Variants in UNC13D observed in about 807,000 individuals in gnomAD.
The protein encoded by UNC13D is protein unc-13 homolog D.
In UNC13D, 115 loss-of-function variants were observed where a neutral mutation model predicts 151.7. The observed-to-expected ratio is 0.76, with a 90% CI of 0.65 to 0.88. UNC13D has a LOEUF of 0.88. UNC13D is among the 40% of genes least tolerant of loss of function. The pLI is 0.00. For missense variants in UNC13D, 1,369 were observed against 1,438.7 expected (o/e 0.95, Z 0.78); for synonymous variants, 588 against 612.2 (o/e 0.96, Z 0.58).
chr17:75,828,127 G>A (rs779319586), intron 31 of UNC13D, 41 bp from the exon 32 acceptor site: 14 of 1,560,906 alleles, frequency 9.0e-6, no homozygotes, highest in East Asian at 2.4e-5. Context: ...CCAGGGGAGA[G>A]GGCAGTGCCT....
rs756765895 is a variant in UNC13D, at chr17:75,835,540, C to T, written c.1728-11G>A. On this transcript the variant is annotated splice_polypyrimidine_tract_variant and intron_variant, in intron 19 of 31. Transcript: ENST00000207549. ...GCCAGGACTCCATCCCTGGGGATTG[C>T]CGGGGCTCAGCGTCGGGAAGGCTGG... is the stretch of plus-strand genomic sequence containing the variant. 3.1e-6 allele frequency: 5 copies of T among 1,600,826 alleles called. No homozygotes were observed. The highest frequency in any genetic ancestry group is 4.3e-6 in the Non-Finnish European group (5 of 1,174,036).
At chr17:75,835,952 C>T in intron 17 of UNC13D, 46 bp from the exon 18 acceptor site, 1 of 1,614,080 alleles carries the variant, frequency 6.2e-7, no homozygotes, top group Non-Finnish European at 8.5e-7. Context: ...ACACCAGGGT[C>T]CCCATGGTTC....
At chr17:75,838,866 C>T (rs1435771265) in intron 12 of UNC13D, among the ~76,000 whole-genome samples, 3 of 151,940 alleles carry the variant, frequency 2.0e-5, no homozygotes, top group African/African-American at 4.8e-5. Context: ...TTTGGGAGGC[C>T]AAGGCGGGCG....
rs563600513 is a variant in UNC13D at position 75,840,113 on chromosome 17, G to A, written c.859-3C>T. 24 of 1,612,550 alleles carry A rather than the reference G, an allele frequency of 1.5e-5. No homozygotes were observed. In the East Asian group the frequency reaches 4.7e-4, roughly 31 times the overall value. ...GAGCGGCTGGCCGAAGTGGCTCTCTGCAATGAGGCCTCTGTGAGCAGACAG... is the reference window on the plus strand; with the variant it reads ...GAGCGGCTGGCCGAAGTGGCTCTCTACAATGAGGCCTCTGTGAGCAGACAG... On this transcript the variant is annotated splice_polypyrimidine_tract_variant and splice_region_variant and intron_variant, in intron 10 of 31. Coordinates refer to ENST00000207549, the MANE Select transcript of UNC13D (RefSeq NM_199242.3). This position sits in a 1 kb window ranked among gnomAD's most constrained non-coding sequence, Gnocchi z 4.6.
chr17:75,840,926 C>T lies in UNC13D; in HGVS notation c.614+31G>A, dbSNP rs780838220. The T allele has an allele frequency of 2.5e-6, 4 of 1,614,086 alleles. No individual in the cohort carries two copies. The highest frequency in any genetic ancestry group is 3.4e-6 in the Non-Finnish European group (4 of 1,180,010). ...TCTCTCACCCCAGATCCCTTCCCTT[C>T]CCATCCCTAGGGGCAGGCCAGGTCA... On this transcript the variant is annotated intron_variant, in intron 7 of 31. Coordinates refer to ENST00000207549, the MANE Select transcript of UNC13D (RefSeq NM_199242.3). The surrounding 1 kb of genome is among the most constrained non-coding windows in gnomAD (Gnocchi z 4.6).
At chr17:75,839,035 G>A (rs2064929300) in intron 12 of UNC13D, among the ~76,000 whole-genome samples, 1 of 152,028 alleles carries the variant, frequency 6.6e-6, no homozygotes, top group Non-Finnish European at 1.5e-5. Context: ...AGGAGGCGGA[G>A]CCTGCAGTGA....
At position 75,831,022 on chromosome 17, in the gene UNC13D, C is replaced by T. The variant is rs780296954; in HGVS notation, c.2625+76G>A. 3.8e-5 allele frequency: 59 copies of T among 1,548,842 alleles called. No individual in the cohort carries two copies. In the Middle Eastern group the frequency reaches 5.3e-4, roughly 14 times the overall value. ...TACTGGGCCCCATAAATTATGTAGC[C>T]GACCCTGGACATAGGTGAGTGCCAA... On this transcript the variant is annotated intron_variant, in intron 27 of 31. Transcript: ENST00000207549.
In UNC13D at chr17:75,840,699, A is replaced by T. The variant is rs2064941709; in HGVS notation, c.683+63T>A. 6.2e-7 allele frequency: 1 copy of T among 1,612,258 alleles called. No individual in the cohort carries two copies. The highest frequency in any genetic ancestry group is 8.5e-7 in the Non-Finnish European group (1 of 1,178,710). ...GCCTGCACCCCAGCATCCAGTGTGCATGTTGGGGGATGGAGGGCAAAAGGA... is the reference window on the plus strand; with the variant it reads ...GCCTGCACCCCAGCATCCAGTGTGCTTGTTGGGGGATGGAGGGCAAAAGGA... On this transcript the variant is annotated intron_variant, in intron 8 of 31. Transcript: ENST00000207549. This position sits in a 1 kb window ranked among gnomAD's most constrained non-coding sequence, Gnocchi z 4.6.
chr17:75,839,567 G>A (rs1198786347), intron 12 of UNC13D, among the ~76,000 whole-genome samples: 1 of 152,098 alleles, frequency 6.6e-6, no homozygotes, highest in Non-Finnish European at 1.5e-5. Context: ...AGGAGTGTTG[G>A]TGTGATCATA....
Position 75,836,791 on chromosome 17 carries a change from G to A in UNC13D, c.1173+10C>T, listed in dbSNP as rs376856418. On this transcript the variant is annotated intron_variant, in intron 13 of 31. Transcript: ENST00000207549. ...TGCCTGCTCAGTGCCCCTTGCCACT[G>A]CATGCCTACCTGTTCTGCCTTGAGC... 1.2e-6 allele frequency: 2 copies of A among 1,613,820 alleles called. No homozygotes were observed. The highest frequency in any genetic ancestry group is 2.2e-5 in the East Asian group (1 of 44,884).
At chr17:75,829,638 G>A (rs113989671) in intron 30 of UNC13D, 15 of 132,102 alleles carry the variant, frequency 1.1e-4, no homozygotes, top group African/African-American at 2.2e-4. Flanking sequence ...TCACTCTGTC[G>A]CCCAGGCTGG....
At chr17:75,828,581 G>A (rs181502957) in intron 31 of UNC13D, among the ~76,000 whole-genome samples, 430 of 152,330 alleles carry the variant, frequency 2.8e-3, no homozygotes, top group Non-Finnish European at 5.0e-3. Context: ...ACTTCTTGGT[G>A]ACTTCCCCAT....
chr17:75,844,224 C>T lies in UNC13D; in HGVS notation c.114G>A (p.Pro38=), dbSNP rs755103812. Residue 38 remains proline (P), a synonymous_variant, in exon 1 of 32, where the codon CCG becomes CCA. Coordinates refer to ENST00000207549, the MANE Select transcript of UNC13D (RefSeq NM_199242.3). The part of the protein sequence containing the change: ...DLQDPPPQMA[P]EIQPPSHHFS... ...TCCCCAGTGAGGTCACTCCTACCTC[C>T]GGGGCCATTTGGGGCGGGGGATCCT... 465 of 1,611,570 alleles carry T rather than the reference C, an allele frequency of 2.9e-4. 1 individual carries two copies. The highest frequency in any genetic ancestry group is 3.2e-4 in the Non-Finnish European group (375 of 1,179,950).
At chr17:75,835,827 A>G in intron 18 of UNC13D, 28 bp downstream of exon 18, 1 of 1,614,054 alleles carries the variant, frequency 6.2e-7, no homozygotes, top group South Asian at 1.1e-5. Flanking sequence ...GTTGGAGGGC[A>G]TGCCCTAGAG....
chr17:75,844,323 G>A lies in UNC13D; in HGVS notation c.15C>T (p.Leu5=), dbSNP rs751997671. 1.7e-5 allele frequency: 27 copies of A among 1,611,058 alleles called. No individual in the cohort carries two copies. Among genetic ancestry groups the A allele is most frequent in the Non-Finnish European group, 2.2e-5 (26 of 1,179,340 alleles). The change falls in exon 1 of 32, where the codon CTC becomes CTT. Residue 5 remains leucine, a synonymous_variant. Transcript: ENST00000207549. ...AGGGAGGGCGCTGCTGCGGATGGGA[G>A]AGGAGTGTCGCCATGGTGGCCTTCT... MATL[L]SHPQQRPPFL...
chr17:75,835,107 C>G (rs1053424960), intron 20 of UNC13D, 44 bp from the exon 21 acceptor site: 2 of 1,608,494 alleles, frequency 1.2e-6, no homozygotes, highest in Non-Finnish European at 8.5e-7. Flanking sequence ...AAATCCACCC[C>G]CTTCCCTCCT....
intron 18 of UNC13D, 38 bp from the exon 19 acceptor site, chr17:75,835,815 C>G (rs1463928241): frequency 4.3e-5 from 70 of 1,613,918 alleles, no homozygotes; most frequent in Non-Finnish European, 5.5e-5. Flanking sequence ...GCCCACAGCT[C>G]TGTTGGAGGG....
rs555956495 is a variant in UNC13D at position 75,834,853 on chromosome 17, G to A, written c.1992+67C>T. ...GGAGGCTGCCTGGGTGAGAGCACGG[G>A]AGAAACGGTGGGTGGTAGTGTGGCT... On this transcript the variant is annotated intron_variant, in intron 21 of 31. Transcript: ENST00000207549. 22 of 1,613,076 alleles carry A rather than the reference G, an allele frequency of 1.4e-5. No homozygotes were observed. In the South Asian group the frequency reaches 2.3e-4, roughly 17 times the overall value.
At chr17:75,841,137 T>C (rs1322332470) in intron 6 of UNC13D, 136 bp from the exon 7 acceptor site, 1 of 188,896 alleles carries the variant, frequency 5.3e-6, no homozygotes, top group Non-Finnish European at 8.2e-6. Context: ...CCGCATCCCT[T>C]TTTTTTTTTT....
Sources: gnomAD v4.1 joint callset for allele counts (sites outside exome capture counted in the v4.1 genomes callset) on GRCh38, gnomAD v4.1.1 for gene constraint, Gnocchi (gnomAD v3.1) non-coding constraint, MANE v1.5 for transcripts, NCBI Gene and HGNC (gene_info 2026-07-23, HGNC 2026-07-21) for gene names.